The following EPB41L3 variants were observed in gnomAD, a reference collection of about 807,000 sequenced individuals.
The protein encoded by EPB41L3 is erythrocyte membrane protein band 4.1 like 3, also known as band 4.1-like protein 3.
In EPB41L3, 57 loss-of-function variants were observed where a neutral mutation model predicts 127.1. The ratio of observed to expected loss-of-function variants is 0.45; its 90% CI spans 0.36 to 0.56. The LOEUF (loss-of-function observed/expected upper bound fraction) is 0.56, where lower values mean the gene tolerates loss of function less well. EPB41L3 is among the 20% of genes least tolerant of loss of function. The pLI is 0.00. For synonymous variants in EPB41L3, 572 were observed against 549.5 expected, an observed-to-expected ratio of 1.04 and a Z score of -0.57; for missense variants, 1,273 against 1,372.2, an observed-to-expected ratio of 0.93 and a Z score of 1.14.
At chr18:5,452,939 G>A (rs189588921) in intron 3 of EPB41L3, among the ~76,000 whole-genome samples, 2 of 152,296 alleles carry the variant, frequency 1.3e-5, no homozygotes, top group South Asian at 2.1e-4. Context: ...TAGAGCAGGA[G>A]CATTCACATC....
intron 3 of EPB41L3, among the ~76,000 whole-genome samples, chr18:5,600,928 C>T (rs1372328544): frequency 6.6e-6 from 1 of 152,104 alleles, no homozygotes; most frequent in African/African-American, 2.4e-5. Flanking sequence ...AATGTTTTAA[C>T]CGTGTTAATG....
chr18:5,458,303 C>T (rs547173242), intron 3 of EPB41L3, among the ~76,000 whole-genome samples: 32 of 152,298 alleles, frequency 2.1e-4, no homozygotes, highest in African/African-American at 7.2e-4. Flanking sequence ...AGGTTAACTT[C>T]CCGATAAACT....
At chr18:5,576,397 A>G (rs1356565873) in intron 3 of EPB41L3, among the ~76,000 whole-genome samples, 2 of 152,236 alleles carry the variant, frequency 1.3e-5, no homozygotes, top group African/African-American at 4.8e-5. Context: ...CTCGTCCCTC[A>G]GGATGAGGCA....
chr18:5,589,277 A>G (rs2094465347), intron 3 of EPB41L3, among the ~76,000 whole-genome samples: 1 of 151,898 alleles, frequency 6.6e-6, no homozygotes, highest in Non-Finnish European at 1.5e-5. Context: ...CTCTGTCAAC[A>G]CTCCCCAGGT....
chr18:5,521,102 G>A (rs1276230010), intron 1 of EPB41L3, among the ~76,000 whole-genome samples: 2 of 152,146 alleles, frequency 1.3e-5, no homozygotes, highest in Non-Finnish European at 2.9e-5. Context: ...TAACTACACA[G>A]AGAACCATCT....
chr18:5,586,003 C>T (rs1178061333), intron 3 of EPB41L3, among the ~76,000 whole-genome samples: 3 of 152,156 alleles, frequency 2.0e-5, no homozygotes, highest in Admixed American at 2.0e-4. Flanking sequence ...CATTTCAGCC[C>T]TAGGGGCAGT....
chr18:5,461,644 G>A (rs1780059241), intron 3 of EPB41L3, among the ~76,000 whole-genome samples: 1 of 152,188 alleles, frequency 6.6e-6, no homozygotes, highest in African/African-American at 2.4e-5. Context: ...ATAGGAAACA[G>A]TCACTAGGCA....
chr18:5,598,566 C>A (rs77572662), intron 3 of EPB41L3, among the ~76,000 whole-genome samples: 2,431 of 152,152 alleles, frequency 0.016, 26 homozygotes, highest in Middle Eastern at 0.027. Flanking sequence ...TTTGTGGATT[C>A]TCAGTAGTGA....
At chr18:5,398,733 G>A (rs1249148127) in intron 16 of EPB41L3, 6 of 399,298 alleles carry the variant, frequency 1.5e-5, no homozygotes, top group Non-Finnish European at 2.7e-5. Context: ...TCTCCATTCG[G>A]ACAGGCTCTT....
intron 13 of EPB41L3, among the ~76,000 whole-genome samples, chr18:5,412,529 G>A (rs182287753): frequency 2.0e-5 from 3 of 152,268 alleles, no homozygotes; most frequent in Admixed American, 6.5e-5. Context: ...CGCCCAGCTC[G>A]AATGACTTGC....
chr18:5,596,435 A>G (rs945886992), intron 3 of EPB41L3, among the ~76,000 whole-genome samples: 1 of 152,190 alleles, frequency 6.6e-6, no homozygotes, highest in African/African-American at 2.4e-5. Context: ...ACCCACCAAA[A>G]GTAACAGCTA....
chr18:5,529,595 G>A (rs1893196), intron 1 of EPB41L3, among the ~76,000 whole-genome samples: 10 of 152,058 alleles, frequency 6.6e-5, no homozygotes, highest in African/African-American at 2.4e-4. Context: ...AATGCAAAGG[G>A]AGCATTGCAG....
intron 3 of EPB41L3, among the ~76,000 whole-genome samples, chr18:5,552,666 T>G (rs954498174): frequency 1.1e-4 from 16 of 152,178 alleles, no homozygotes; most frequent in African/African-American, 3.9e-4. Flanking sequence ...GAGCTAAAAT[T>G]TACTGAGCAT....
rs2293227 is a variant in EPB41L3, at chr18:5,480,016, C to G, written c.184-1578G>C. The G allele has an allele frequency of 2.0e-5, 3 of 151,756 alleles. No individual in the cohort carries two copies. The South Asian group carries it at 6.2e-4, about 31-fold the overall frequency. The allele number at this position is 151,756 out of a possible 1,614,324, so 9.4% of individuals were successfully genotyped here. ...GAACATTTAAGTTTTATTTTTGTCT[C>G]TTCATAGGCAAAGGTCATTAGAAGC... On this transcript the variant is annotated intron_variant, in intron 2 of 22. Transcript: ENST00000341928.
At chr18:5,621,971 T>G (rs1373271682) in intron 1 of EPB41L3, among the ~76,000 whole-genome samples, 1 of 152,190 alleles carries the variant, frequency 6.6e-6, no homozygotes, top group Admixed American at 6.5e-5. Flanking sequence ...ATCAACAAAA[T>G]ATTAATTTCT....
chr18:5,561,058 A>G (rs1348317915), intron 3 of EPB41L3, among the ~76,000 whole-genome samples: 1 of 146,682 alleles, frequency 6.8e-6, no homozygotes, highest in African/African-American at 2.5e-5. Context: ...GCTCACTGCA[A>G]GCTCCGCCTC....
chr18:5,523,121 A>T (rs530986479), intron 1 of EPB41L3, among the ~76,000 whole-genome samples: 121 of 152,244 alleles, frequency 7.9e-4, no homozygotes, highest in Non-Finnish European at 1.6e-3. Flanking sequence ...TAGAACAGAC[A>T]TACATGCAGT....
intron 3 of EPB41L3, among the ~76,000 whole-genome samples, chr18:5,459,822 TTATCA>T: frequency 6.6e-6 from 1 of 152,318 alleles, no homozygotes; most frequent in East Asian, 1.9e-4. Context: ...AAATAAACTA[TTATCA>T]TAGAATCATA....
intron 1 of EPB41L3, among the ~76,000 whole-genome samples, chr18:5,513,435 T>G (rs2092625661): frequency 6.6e-6 from 1 of 152,084 alleles, no homozygotes; most frequent in South Asian, 2.1e-4. Flanking sequence ...GTGCAGAAAA[T>G]GGAAAGACTT....
Sources: gnomAD v4.1 joint callset for allele counts (sites outside exome capture counted in the v4.1 genomes callset) on GRCh38, gnomAD v4.1.1 for gene constraint, MANE v1.5 for transcripts, NCBI Gene and HGNC (gene_info 2026-07-23, HGNC 2026-07-21) for gene names.